The following ABRACL variants were observed in gnomAD, a reference collection of about 807,000 sequenced individuals.
ABRACL encodes ABRA C-terminal like, also known as costars family protein ABRACL.
In ABRACL, 4 loss-of-function variants were observed where a neutral mutation model predicts 7.0. That is an observed-to-expected ratio of 0.57 (90% CI 0.28 to 1.30). The LOEUF is 1.30. ABRACL is among the 50% of genes most tolerant of loss of function. The probability of loss-of-function intolerance (pLI) is 0.10; values close to 1 mark genes in which losing one functional copy is unlikely to be tolerated. For synonymous variants in ABRACL, 30 were observed against 36.0 expected, an observed-to-expected ratio of 0.83 and a Z score of 0.60; for missense variants, 104 against 97.3, an observed-to-expected ratio of 1.07 and a Z score of -0.29.
chr6:139,041,447 C>CTA (rs1297906180), intron 2 of ABRACL, among the ~76,000 whole-genome samples: 18 of 66,864 alleles, frequency 2.7e-4, no homozygotes, highest in African/African-American at 6.4e-4. Flanking sequence ...CTCTCTCTCT[C>CTA]TCTCTATATA....
chr6:139,040,417 C>T (rs1786227105), intron 2 of ABRACL, among the ~76,000 whole-genome samples: 1 of 152,206 alleles, frequency 6.6e-6, no homozygotes, highest in Non-Finnish European at 1.5e-5. Flanking sequence ...AGATTACACT[C>T]AGGTTTCTGT....
chr6:139,031,303 T>G (rs980420214), intron 1 of ABRACL, among the ~76,000 whole-genome samples: 1 of 152,256 alleles, frequency 6.6e-6, no homozygotes, highest in Non-Finnish European at 1.5e-5. Flanking sequence ...GCTAGATAAC[T>G]TTTTTATATG....
At chr6:139,029,158 A>G (rs1029311033) in intron 1 of ABRACL, among the ~76,000 whole-genome samples, 29 of 151,904 alleles carry the variant, frequency 1.9e-4, no homozygotes, top group Non-Finnish European at 1.5e-5. Flanking sequence ...CAGAAATGGA[A>G]CGATTTTTAC....
At chr6:139,029,766 A>T (rs1348820261) in intron 1 of ABRACL, among the ~76,000 whole-genome samples, 1 of 152,100 alleles carries the variant, frequency 6.6e-6, no homozygotes, top group African/African-American at 2.4e-5. Flanking sequence ...CGCGATTGCG[A>T]AGAAGGGCTG....
intron 1 of ABRACL, among the ~76,000 whole-genome samples, 172 bp downstream of exon 1, chr6:139,029,047 G>A (rs1300133552): frequency 6.6e-6 from 1 of 152,086 alleles, no homozygotes; most frequent in African/African-American, 2.4e-5. Flanking sequence ...GCGGGTTGGG[G>A]TCCCGTGGGG....
rs144355709 is a variant in ABRACL at position 139,041,529 on chromosome 6, A to ATTTTTTTT, written c.62-1189_62-1188insTTTTTTTT. 2.5e-3 allele frequency among the ~76,000 whole-genome samples: 217 copies of ATTTTTTTT among 85,612 alleles called. 4 individuals are homozygous for ATTTTTTTT. The South Asian group carries it at 0.033, about 13-fold the overall frequency. The allele number at this position is 85,612 out of a possible 152,430, so 56.2% of individuals were successfully genotyped here. ...TGTGTGTGTGTATATATATATATAT[A>ATTTTTTTT]TATTTTTTTTTAGGAGAGACATGGT... On this transcript the variant is annotated intron_variant, in intron 2 of 2. Transcript: ENST00000367660.
intron 2 of ABRACL, among the ~76,000 whole-genome samples, chr6:139,036,895 G>A (rs925053019): frequency 2.6e-5 from 4 of 152,084 alleles, no homozygotes; most frequent in African/African-American, 7.2e-5. Context: ...GAGGCAGGAG[G>A]ATTGCATGAG....
chr6:139,035,431 G>A (rs76147518), intron 2 of ABRACL, among the ~76,000 whole-genome samples: 1,955 of 151,974 alleles, frequency 0.013, 20 homozygotes, highest in Middle Eastern at 0.078. Context: ...TCTTCAAAGC[G>A]AGCAAGAGCT....
intron 2 of ABRACL, among the ~76,000 whole-genome samples, chr6:139,038,636 A>C (rs1225285643): frequency 6.6e-6 from 1 of 152,178 alleles, no homozygotes; most frequent in African/African-American, 2.4e-5. Context: ...TCATTCAACA[A>C]ATTTTTTTTA....
intron 2 of ABRACL, among the ~76,000 whole-genome samples, 169 bp from the exon 3 acceptor site, chr6:139,042,550 T>C (rs1390571567): frequency 6.6e-6 from 1 of 152,266 alleles, no homozygotes; most frequent in Non-Finnish European, 1.5e-5. Flanking sequence ...TTTATTCCAT[T>C]ACTTTTTGGA....
chr6:139,036,366 G>A (rs531061533), intron 2 of ABRACL, among the ~76,000 whole-genome samples: 19 of 152,230 alleles, frequency 1.2e-4, no homozygotes, highest in African/African-American at 4.6e-4. Context: ...GCCATGTAAG[G>A]TAACATACAG....
chr6:139,040,498 T>C (rs1364450935), intron 2 of ABRACL, among the ~76,000 whole-genome samples: 1 of 152,190 alleles, frequency 6.6e-6, no homozygotes, highest in African/African-American at 2.4e-5. Flanking sequence ...TAAGAGGCTT[T>C]ATCTTTATTA....
Position 139,042,984 on chromosome 6 carries a change from CATACTTAATGT to C in ABRACL, c.*84_*94del. 1 of 1,195,024 alleles carries C rather than the reference CATACTTAATGT, an allele frequency of 8.4e-7. No individual in the cohort carries two copies. The highest frequency in any genetic ancestry group is 1.2e-6 in the Non-Finnish European group (1 of 867,326). The allele number at this position is 1,195,024 out of a possible 1,614,324, so 74.0% of individuals were successfully genotyped here. ...TAAAGTGAAAGAACAAACATTTGAA[CATACTTAATGT>C]ATTTTTATAGAACTTTGTAAACGAA... On this transcript the variant is annotated 3_prime_UTR_variant, in exon 3 of 3. Transcript: ENST00000367660.
chr6:139,031,963 CTT>C (rs58012169), intron 1 of ABRACL, among the ~76,000 whole-genome samples: 6,467 of 141,242 alleles, frequency 0.046, 145 homozygotes, highest in East Asian at 0.12. Context: ...TTTTTTCCCA[CTT>C]TTTTTTTTTT....
chr6:139,033,187 A>G (rs921203653), intron 1 of ABRACL, among the ~76,000 whole-genome samples: 5 of 152,358 alleles, frequency 3.3e-5, no homozygotes, highest in Middle Eastern at 3.4e-3. Context: ...TTGAGAGATT[A>G]AAAAGTCCCA....
intron 1 of ABRACL, among the ~76,000 whole-genome samples, chr6:139,031,618 C>T (rs1222409956): frequency 6.6e-6 from 1 of 152,178 alleles, no homozygotes; most frequent in Non-Finnish European, 1.5e-5. Context: ...TTACTCCTGG[C>T]AAGCTGTTCT....
In ABRACL at chr6:139,034,207, G is replaced by T. The variant is rs766605464; in HGVS notation, c.47G>T (p.Arg16Leu). ...EVNLLVEEIH[R>L]LGSKNADGKL... ...AACCTCTTAGTGGAGGAAATTCATC[G>T]TTTGGGTTCAAAAAGTAAGTATCTG... The change falls in exon 2 of 3, where the codon CGT becomes CTT. Residue 16 changes from arginine (R) to leucine (L), a missense_variant. Arg to Leu is a moderately radical substitution (Grantham distance 102). Coordinates refer to ENST00000367660, the MANE Select transcript of ABRACL (RefSeq NM_021243.3). 6.2e-7 allele frequency: 1 copy of T among 1,614,170 alleles called. No individual in the cohort carries two copies. The highest frequency in any genetic ancestry group is 1.7e-5 in the Admixed American group (1 of 60,024).
chr6:139,042,651 T>C (rs1336165355), intron 2 of ABRACL, 68 bp from the exon 3 acceptor site: 1 of 1,425,564 alleles, frequency 7.0e-7, no homozygotes, highest in African/African-American at 1.4e-5. Context: ...AAAGATTTTG[T>C]AAGTCTTCCA....
intron 2 of ABRACL, among the ~76,000 whole-genome samples, chr6:139,035,792 G>A (rs1455511675): frequency 6.7e-6 from 1 of 150,176 alleles, no homozygotes; most frequent in Non-Finnish European, 1.5e-5. Flanking sequence ...CTAGTTTCTT[G>A]TATTTTTATT....
Sources: gnomAD v4.1 joint callset for allele counts (sites outside exome capture counted in the v4.1 genomes callset) on GRCh38, gnomAD v4.1.1 for gene constraint, MANE v1.5 for transcripts, NCBI Gene and HGNC (gene_info 2026-07-23, HGNC 2026-07-21) for gene names.